The following CPA6 variants were observed in gnomAD, a reference collection of about 807,000 sequenced individuals.
CPA6 encodes the protein carboxypeptidase B.
Under a neutral mutation model 63.3 loss-of-function variants are expected in CPA6, and 58 were observed. That is an observed-to-expected ratio of 0.92 (90% CI 0.74 to 1.14). CPA6 has a LOEUF of 1.14. CPA6 is among the 50% of genes most tolerant of loss of function. CPA6 has a pLI of 0.00. For missense variants in CPA6, 565 were observed against 526.6 expected, an observed-to-expected ratio of 1.07 and a Z score of -0.71; for synonymous variants, 185 against 179.0, an observed-to-expected ratio of 1.03 and a Z score of -0.27.
chr8:67,608,507 C>G (rs745377342), intron 2 of CPA6, among the ~76,000 whole-genome samples: 2 of 152,168 alleles, frequency 1.3e-5, no homozygotes, highest in African/African-American at 2.4e-5. Context: ...CTGAGAGCCA[C>G]CTCCATCACT....
rs576870332 is a variant in CPA6, at chr8:67,438,374, A to G, written c.839-4134T>C. 3.9e-4 allele frequency among the ~76,000 whole-genome samples: 59 copies of G among 152,152 alleles called. No individual in the cohort carries two copies. The Middle Eastern group carries it at 0.02, about 53-fold the overall frequency. On this transcript the variant is annotated intron_variant, in intron 8 of 10. Coordinates refer to ENST00000297770, the MANE Select transcript of CPA6 (RefSeq NM_020361.5). The stretch of plus-strand genomic sequence containing the variant: ...AAAAGCAGGTCATTTAGAAAGGAAC[A>G]AGAATTCCATTCACATTTGACTTTT...
At chr8:67,623,235 T>C (rs1176333054) in intron 2 of CPA6, among the ~76,000 whole-genome samples, 1 of 152,212 alleles carries the variant, frequency 6.6e-6, no homozygotes, top group Non-Finnish European at 1.5e-5. Context: ...AACAGGAAAC[T>C]GAATTCATTC....
intron 2 of CPA6, among the ~76,000 whole-genome samples, chr8:67,580,652 G>A (rs1404360852): frequency 2.0e-5 from 3 of 152,164 alleles, no homozygotes; most frequent in Non-Finnish European, 2.9e-5. Flanking sequence ...GCATGTGTGA[G>A]CGTCTATTGA....
chr8:67,514,876 T>C (rs1010577983), intron 3 of CPA6, among the ~76,000 whole-genome samples: 1 of 152,230 alleles, frequency 6.6e-6, no homozygotes, highest in Admixed American at 6.5e-5. Flanking sequence ...ATGTGTCCAG[T>C]AGGAACAATA....
chr8:67,514,344 T>A (rs994924410), intron 3 of CPA6, among the ~76,000 whole-genome samples: 1 of 152,172 alleles, frequency 6.6e-6, no homozygotes, highest in South Asian at 2.1e-4. Context: ...AATCATTTCA[T>A]AGAGGGGAAT....
At chr8:67,491,223 GTTTTTT>G (rs11379483) in intron 6 of CPA6, among the ~76,000 whole-genome samples, 7 of 125,420 alleles carry the variant, frequency 5.6e-5, no homozygotes, top group Admixed American at 1.6e-4. Context: ...TTACAGGGAA[GTTTTTT>G]TTTTTTTTTT....
At chr8:67,658,834 C>A (rs561933276) in intron 1 of CPA6, among the ~76,000 whole-genome samples, 1 of 152,210 alleles carries the variant, frequency 6.6e-6, no homozygotes, top group East Asian at 1.9e-4. Flanking sequence ...AAATCTAGGA[C>A]ATTCTGCTTG....
In CPA6 at chr8:67,583,363, T is replaced by C. The variant is rs757618924; in HGVS notation, c.192+40813A>G. Reference sequence around the variant, plus strand: ...AAAGTAGAGTTTAATTAGGCCTGAGTAGATACCATAATGGAGGGTGAAATT... The same window carrying C: ...AAAGTAGAGTTTAATTAGGCCTGAGCAGATACCATAATGGAGGGTGAAATT... On this transcript the variant is annotated intron_variant, in intron 2 of 10. Coordinates refer to ENST00000297770, the MANE Select transcript of CPA6 (RefSeq NM_020361.5). Among the ~76,000 whole-genome samples, 78 of 152,132 alleles carry C rather than the reference T, an allele frequency of 5.1e-4. 2 individuals carry two copies. The highest frequency in any genetic ancestry group is 8.3e-4 in the South Asian group (4 of 4,826).
At chr8:67,643,122 C>T (rs992461694) in intron 1 of CPA6, among the ~76,000 whole-genome samples, 3 of 152,024 alleles carry the variant, frequency 2.0e-5, no homozygotes, top group African/African-American at 4.8e-5. Flanking sequence ...ATGAAATTAA[C>T]ACGAAGCAAA....
intron 8 of CPA6, among the ~76,000 whole-genome samples, chr8:67,475,886 CT>C (rs1360249256): frequency 0.015 from 486 of 33,460 alleles, 1 homozygote; most frequent in Admixed American, 0.018. Context: ...TTTCTCCTTT[CT>C]TTCTTTCTTT....
intron 2 of CPA6, among the ~76,000 whole-genome samples, chr8:67,572,851 A>G (rs1003498211): frequency 6.6e-6 from 1 of 152,198 alleles, no homozygotes; most frequent in African/African-American, 2.4e-5. Flanking sequence ...CTACAGACCA[A>G]TATCTTTGAC....
intron 1 of CPA6, among the ~76,000 whole-genome samples, chr8:67,638,835 A>G (rs1815526604): frequency 6.6e-6 from 1 of 151,434 alleles, no homozygotes; most frequent in Non-Finnish European, 1.5e-5. Context: ...TGTTTGTGAG[A>G]GTACTCCCTA....
At chr8:67,469,208 G>A (rs1359117985) in intron 8 of CPA6, among the ~76,000 whole-genome samples, 1 of 152,096 alleles carries the variant, frequency 6.6e-6, no homozygotes, top group Non-Finnish European at 1.5e-5. Flanking sequence ...GTTTTGTGAG[G>A]GTATTTCTGG....
intron 2 of CPA6, among the ~76,000 whole-genome samples, chr8:67,569,238 A>AT (rs1813422023): frequency 6.6e-6 from 1 of 152,256 alleles, no homozygotes; most frequent in Non-Finnish European, 1.5e-5. Flanking sequence ...GATAAGAAAT[A>AT]TATCATATAC....
At chr8:67,584,938 C>T (rs529852442) in intron 2 of CPA6, among the ~76,000 whole-genome samples, 1 of 152,124 alleles carries the variant, frequency 6.6e-6, no homozygotes, top group South Asian at 2.1e-4. Flanking sequence ...TTGGACATAC[C>T]ATTAGCCGAT....
intron 8 of CPA6, among the ~76,000 whole-genome samples, chr8:67,463,899 C>A (rs1810868407): frequency 6.6e-6 from 1 of 152,154 alleles, no homozygotes. Flanking sequence ...ATATATGTAT[C>A]ACATTTTTAA....
chr8:67,695,620 G>A (rs776962590), intron 1 of CPA6, among the ~76,000 whole-genome samples: 12 of 152,174 alleles, frequency 7.9e-5, no homozygotes, highest in Non-Finnish European at 1.6e-4. Context: ...ACTGGCTCAC[G>A]CTCATGGAAT....
In CPA6 at chr8:67,453,207, C is replaced by T. The variant is rs575050930; in HGVS notation, c.839-18967G>A. Among the ~76,000 whole-genome samples, 44 of 152,158 alleles carry T rather than the reference C, an allele frequency of 2.9e-4. No homozygotes were observed. The South Asian group carries it at 8.5e-3, about 29-fold the overall frequency. ...ACATGAGAGATGATGGTAACTTAGACTGGGATGGTAGTAACAGAAGTGGTC... is the reference window on the plus strand; with the variant it reads ...ACATGAGAGATGATGGTAACTTAGATTGGGATGGTAGTAACAGAAGTGGTC... On this transcript the variant is annotated intron_variant, in intron 8 of 10. Transcript: ENST00000297770.
intron 2 of CPA6, among the ~76,000 whole-genome samples, chr8:67,592,359 G>T (rs539228272): frequency 8.5e-5 from 13 of 152,232 alleles, no homozygotes; most frequent in African/African-American, 3.1e-4. Flanking sequence ...TTTTTTGGTT[G>T]TGTCTCTGCC....
Sources: gnomAD v4.1 joint callset for allele counts (sites outside exome capture counted in the v4.1 genomes callset) on GRCh38, gnomAD v4.1.1 for gene constraint, MANE v1.5 for transcripts, NCBI Gene and HGNC (gene_info 2026-07-23, HGNC 2026-07-21) for gene names.